The following LARS2 variants were observed in gnomAD, a reference collection of about 807,000 sequenced individuals.
LARS2 encodes leucine--tRNA ligase, mitochondrial.
In LARS2, 81 loss-of-function variants were observed where a neutral mutation model predicts 116.6. The observed-to-expected ratio is 0.69, with a 90% CI of 0.58 to 0.84. The LOEUF is 0.84. LARS2 is among the 40% of genes least tolerant of loss of function. The pLI is 0.00. For synonymous variants in LARS2, 396 were observed against 407.2 expected (o/e 0.97, Z 0.33); for missense variants, 968 against 1,114.5 (o/e 0.87, Z 1.87).
At chr3:45,526,065 G>A (rs2624668) in intron 20 of LARS2, among the ~76,000 whole-genome samples, 78,196 of 152,114 alleles carry the variant, frequency 0.51, 24,019 homozygotes, top group East Asian at 0.78. Flanking sequence ...ACGTAAAGAC[G>A]AAGGAGGTGA....
intron 7 of LARS2, among the ~76,000 whole-genome samples, chr3:45,447,421 A>C (rs1699040510): frequency 6.6e-6 from 1 of 152,248 alleles, no homozygotes; most frequent in African/African-American, 2.4e-5. Context: ...TGATGGATTT[A>C]AGAAGAGGGA....
chr3:45,526,702 C>T (rs1204124427), intron 20 of LARS2, among the ~76,000 whole-genome samples: 2 of 152,064 alleles, frequency 1.3e-5, no homozygotes, highest in African/African-American at 4.8e-5. Flanking sequence ...CCACTTCACC[C>T]TTAGGGCTAG....
chr3:45,497,084 A>G (rs1021782406), intron 14 of LARS2, among the ~76,000 whole-genome samples: 1 of 152,194 alleles, frequency 6.6e-6, no homozygotes, highest in African/African-American at 2.4e-5. Context: ...TACATAGTAG[A>G]TCATTTCCTA....
intron 8 of LARS2, among the ~76,000 whole-genome samples, chr3:45,473,688 G>GT (rs1261681049): frequency 7.0e-6 from 1 of 143,012 alleles, no homozygotes; most frequent in African/African-American, 2.6e-5. Context: ...CTGGCCTGTT[G>GT]TTGTTTTTTT....
chr3:45,515,933 T>C (rs1389822064), intron 16 of LARS2, among the ~76,000 whole-genome samples, 161 bp from the exon 17 acceptor site: 1 of 152,200 alleles, frequency 6.6e-6, no homozygotes, highest in East Asian at 1.9e-4. Context: ...AATATTTTTA[T>C]AACAATACAG....
chr3:45,474,683 G>A (rs961000705), intron 9 of LARS2, among the ~76,000 whole-genome samples: 2 of 152,158 alleles, frequency 1.3e-5, no homozygotes, highest in Non-Finnish European at 2.9e-5. Context: ...TATTTCAAGT[G>A]CTATGATTCA....
chr3:45,425,467 G>A (rs866888419), intron 6 of LARS2, among the ~76,000 whole-genome samples: 4 of 152,168 alleles, frequency 2.6e-5, no homozygotes, highest in Admixed American at 1.3e-4. Context: ...GCAGAGCTGC[G>A]GAAGAGTTTG....
chr3:45,503,192 T>C (rs1009088799), intron 15 of LARS2, among the ~76,000 whole-genome samples: 1 of 152,036 alleles, frequency 6.6e-6, no homozygotes, highest in Admixed American at 6.6e-5. Context: ...TAGGACCATA[T>C]AGGTAATACG....
At chr3:45,535,752 A>G (rs545996226) in intron 20 of LARS2, among the ~76,000 whole-genome samples, 36 of 50,140 alleles carry the variant, frequency 7.2e-4, no homozygotes, top group African/African-American at 1.2e-3. Flanking sequence ...AGTTACACAC[A>G]CACACACACA....
chr3:45,404,712 C>G lies in LARS2; in HGVS notation c.363+4339C>G, dbSNP rs998191030. Among the ~76,000 whole-genome samples the G allele has an allele frequency of 2.7e-4, 41 of 152,190 alleles. 3 individuals carry two copies. Among genetic ancestry groups the G allele is most frequent in the Non-Finnish European group, 2.9e-5 (2 of 68,034 alleles). ...CCAGGTTCAAGCAGTTCTCCTGCCTCAGCCTCCCGAGTAGCTGGGATTACA... is the reference window on the plus strand; with the variant it reads ...CCAGGTTCAAGCAGTTCTCCTGCCTGAGCCTCCCGAGTAGCTGGGATTACA... On this transcript the variant is annotated intron_variant, in intron 4 of 21. Coordinates refer to ENST00000645846, the MANE Select transcript of LARS2 (RefSeq NM_015340.4).
At chr3:45,480,281 G>C (rs1289165607) in intron 10 of LARS2, among the ~76,000 whole-genome samples, 1 of 152,226 alleles carries the variant, frequency 6.6e-6, no homozygotes, top group Non-Finnish European at 1.5e-5. Context: ...TCTGAGAGAG[G>C]AAGTCATAGG....
chr3:45,458,961 G>C lies in LARS2; in HGVS notation c.750+75G>C, dbSNP rs1575268445. ...CAACACCAAAGGCTTCTGGGTATGA[G>C]AGAGCCTCACTGTTGGGGTTGAGCT... is the stretch of plus-strand genomic sequence containing the variant. On this transcript the variant is annotated intron_variant, in intron 8 of 21. Transcript: ENST00000645846. 1.2e-5 allele frequency: 17 copies of C among 1,471,234 alleles called. No homozygotes were observed. The East Asian group carries it at 3.8e-4, about 33-fold the overall frequency. 91.1% of individuals were successfully genotyped at this position (1,471,234 alleles called of 1,614,324 possible).
intron 6 of LARS2, among the ~76,000 whole-genome samples, chr3:45,444,367 A>T (rs76811449): frequency 1 from 149,455 of 149,456 alleles, 74,727 homozygotes; most frequent in Middle Eastern, 1. Flanking sequence ...AGGGGAAAAA[A>T]AAAAATGCTG....
At chr3:45,467,736 T>C (rs1258404303) in intron 8 of LARS2, among the ~76,000 whole-genome samples, 1 of 152,206 alleles carries the variant, frequency 6.6e-6, no homozygotes, top group Non-Finnish European at 1.5e-5. Context: ...AATAGTCATC[T>C]CCCTGGGTAT....
intron 4 of LARS2, among the ~76,000 whole-genome samples, chr3:45,412,025 C>A (rs1698339482): frequency 6.6e-6 from 1 of 152,088 alleles, no homozygotes; most frequent in Non-Finnish European, 1.5e-5. Flanking sequence ...TGATCTTGTT[C>A]TTTTTTTACG....
At position 45,518,004 on chromosome 3, in the gene LARS2, C is replaced by CT; in HGVS notation, c.2147dup (p.Leu717AlafsTer3). ...TTCTGGGAAGTCTCCCCAGCCTCAG[C>CT]TGCTGAGTAACAAGGAGAAAGCTGA... On this transcript the variant is annotated frameshift_variant, in exon 18 of 22. Coordinates refer to ENST00000645846, the MANE Select transcript of LARS2 (RefSeq NM_015340.4). LOFTEE classifies it high-confidence loss of function. The CT allele has an allele frequency of 6.2e-7, 1 of 1,613,686 alleles. No homozygotes were observed. The highest frequency in any genetic ancestry group is 1.3e-5 in the African/African-American group (1 of 75,048).
intron 2 of LARS2, among the ~76,000 whole-genome samples, chr3:45,393,780 T>G (rs1247121959): frequency 6.6e-6 from 1 of 152,136 alleles, no homozygotes; most frequent in African/African-American, 2.4e-5. Context: ...GGTATGATTA[T>G]GCCACTGCAC....
At chr3:45,404,382 G>A (rs1022313172) in intron 4 of LARS2, among the ~76,000 whole-genome samples, 4 of 152,180 alleles carry the variant, frequency 2.6e-5, no homozygotes, top group African/African-American at 9.7e-5. Flanking sequence ...TGTGGGAAAA[G>A]AGAAACAAAT....
intron 20 of LARS2, among the ~76,000 whole-genome samples, chr3:45,526,694 A>G (rs945976680): frequency 4.6e-5 from 7 of 152,036 alleles, no homozygotes; most frequent in Non-Finnish European, 1.0e-4. Context: ...CCACTTTACC[A>G]CTTCACCCTT....
Sources: gnomAD v4.1 joint callset for allele counts (sites outside exome capture counted in the v4.1 genomes callset) on GRCh38, gnomAD v4.1.1 for gene constraint, MANE v1.5 for transcripts, NCBI Gene and HGNC (gene_info 2026-07-23, HGNC 2026-07-21) for gene names.